The following VWA3B variants were observed in gnomAD, a reference collection of about 807,000 sequenced individuals.
The protein encoded by VWA3B is von Willebrand factor A domain containing 3B, also known as von Willebrand factor A domain-containing protein 3B.
VWA3B carries 138 observed loss-of-function variants against 158.3 expected under a neutral mutation model. That is an observed-to-expected ratio of 0.87 (90% CI 0.76 to 1.00). The LOEUF is 1.00. Among genes scored for constraint, VWA3B ranks in the 50% least tolerant of loss-of-function variants. The pLI is 0.00. For missense variants in VWA3B, 1,555 were observed against 1,565.1 expected (o/e 0.99, Z 0.11); for synonymous variants, 596 against 587.3 (o/e 1.01, Z -0.21).
chr2:98,290,541 A>T lies in VWA3B; in HGVS notation c.3076A>T (p.Lys1026Ter), dbSNP rs768118485. The T allele has an allele frequency of 1.3e-6, 2 of 1,583,482 alleles. No homozygotes were observed. The highest frequency in any genetic ancestry group is 2.0e-5 in the Admixed American group (1 of 49,712). Residue 1026 changes from lysine to a stop codon, truncating the protein, a stop_gained, in exon 23 of 28, where the codon AAA becomes TAA. Transcript: ENST00000477737. LOFTEE classifies it high-confidence loss of function. ...GAAATTGCAAGGAAATCCAACAAAG[A>T]AAACCAAATCAAAAAGACCAGATCC... ...QQKLQGNPTK[K>*]TKSKRPDPLK...
In VWA3B at chr2:98,186,948, C is replaced by T. The variant is rs932473691; in HGVS notation, c.1312-1027C>T. 7.9e-5 allele frequency among the ~76,000 whole-genome samples: 12 copies of T among 152,152 alleles called. No homozygotes were observed. In the East Asian group the frequency reaches 1.9e-3, roughly 25 times the overall value. Reference sequence around the variant, plus strand: ...TCCTGGCCCTCCTCTTCGTGTGTCCCGGCTTCTCTCACTCTCTCTTCCCTC... The same window carrying T: ...TCCTGGCCCTCCTCTTCGTGTGTCCTGGCTTCTCTCACTCTCTCTTCCCTC... On this transcript the variant is annotated intron_variant, in intron 9 of 27. Coordinates refer to ENST00000477737, the MANE Select transcript of VWA3B (RefSeq NM_144992.5).
At chr2:98,132,773 C>G (rs1051622010) in intron 6 of VWA3B, among the ~76,000 whole-genome samples, 1 of 152,190 alleles carries the variant, frequency 6.6e-6, no homozygotes, top group African/African-American at 2.4e-5. Context: ...TTGGGAATGA[C>G]CAGGCTAAGA....
chr2:98,218,136 T>A, intron 14 of VWA3B, 108 bp downstream of exon 14: 2 of 1,247,562 alleles, frequency 1.6e-6, no homozygotes, highest in Non-Finnish European at 2.2e-6. Flanking sequence ...TAGAGATAAC[T>A]AAGTCAAAAA....
Position 98,236,731 on chromosome 2 carries a change from G to A in VWA3B, c.2673+1G>A. ...TGTCGTGTCTAAGGTCTTTGATGAG[G>A]TAAACTGATTGTCTATACGTCCCTA... On this transcript the variant is annotated splice_donor_variant, in intron 19 of 27. Transcript: ENST00000477737. LOFTEE classifies it high-confidence loss of function. 6.2e-7 allele frequency: 1 copy of A among 1,611,046 alleles called. No individual in the cohort carries two copies. Among genetic ancestry groups the A allele is most frequent in the Non-Finnish European group, 8.5e-7 (1 of 1,179,124 alleles).
At chr2:98,124,856 C>T (rs962495411) in intron 5 of VWA3B, among the ~76,000 whole-genome samples, 1 of 152,122 alleles carries the variant, frequency 6.6e-6, no homozygotes, top group Non-Finnish European at 1.5e-5. Context: ...GACTCTTTGG[C>T]GGGGCAGAAT....
intron 7 of VWA3B, among the ~76,000 whole-genome samples, chr2:98,134,611 A>C (rs1443814523): frequency 6.6e-6 from 1 of 152,056 alleles, no homozygotes; most frequent in Non-Finnish European, 1.5e-5. Flanking sequence ...AAAGGAGGGA[A>C]GGAAGCCCCT....
At chr2:98,149,730 C>G (rs1316966022) in intron 7 of VWA3B, among the ~76,000 whole-genome samples, 1 of 152,160 alleles carries the variant, frequency 6.6e-6, no homozygotes, top group Admixed American at 6.5e-5. Flanking sequence ...TGATTTAGTT[C>G]TAGGAAGTCA....
At chr2:98,202,729 T>A (rs1279825269) in intron 12 of VWA3B, among the ~76,000 whole-genome samples, 1 of 152,194 alleles carries the variant, frequency 6.6e-6, no homozygotes, top group Non-Finnish European at 1.5e-5. Flanking sequence ...CCCCGTGTCC[T>A]TTTTTCTAGA....
rs190755286 is a variant in VWA3B at position 98,173,467 on chromosome 2, C to T, written c.1115-7549C>T. The stretch of plus-strand genomic sequence containing the variant: ...GGCACTGAGCTTCGCATTTTCCAGA[C>T]AAAAAGCACACATGGCAAACATTTG... On this transcript the variant is annotated intron_variant, in intron 8 of 27. Transcript: ENST00000477737. Among the ~76,000 whole-genome samples, 387 of 152,274 alleles carry T rather than the reference C, an allele frequency of 2.5e-3. 2 individuals are homozygous for T. Among genetic ancestry groups the T allele is most frequent in the African/African-American group, 8.9e-3 (369 of 41,548 alleles).
At chr2:98,265,927 G>A in intron 21 of VWA3B, among the ~76,000 whole-genome samples, 2 of 120,878 alleles carry the variant, frequency 1.7e-5, no homozygotes, top group East Asian at 2.2e-4. Context: ...TGAGTTCATT[G>A]TAGATTCTGG....
chr2:98,193,147 GAAGT>G, intron 11 of VWA3B, 111 bp downstream of exon 11: 1 of 1,340,094 alleles, frequency 7.5e-7, no homozygotes, highest in Admixed American at 2.4e-5. Flanking sequence ...CAAATTCAGA[GAAGT>G]ACTCCCTTTT....
chr2:98,233,499 A>G (rs1685473159), intron 16 of VWA3B, among the ~76,000 whole-genome samples: 1 of 152,210 alleles, frequency 6.6e-6, no homozygotes, highest in South Asian at 2.1e-4. Flanking sequence ...GGACACTGGC[A>G]GGAGCTCAGC....
At chr2:98,222,398 T>A (rs1684587016) in intron 14 of VWA3B, among the ~76,000 whole-genome samples, 1 of 152,204 alleles carries the variant, frequency 6.6e-6, no homozygotes, top group Non-Finnish European at 1.5e-5. Flanking sequence ...GGAGGATGTT[T>A]ACTTGGATAG....
rs763013077 is a variant in VWA3B at position 98,193,020 on chromosome 2, TC to T, written c.1590del (p.Ile531PhefsTer8). 1 of 1,613,484 alleles carries T rather than the reference TC, an allele frequency of 6.2e-7. No homozygotes were observed. The highest frequency in any genetic ancestry group is 8.5e-7 in the Non-Finnish European group (1 of 1,179,626). On this transcript the variant is annotated frameshift_variant, in exon 11 of 28. Transcript: ENST00000477737. LOFTEE classifies it high-confidence loss of function. The part of the protein sequence containing the change: ...KSKLDLVKDK[I>X]IQFIQEQLKY... ...AAACTGGACTTGGTGAAGGACAAGATCATTCAGTTCATACAGGTTAGATGGA... is the reference window on the plus strand; with the variant it reads ...AAACTGGACTTGGTGAAGGACAAGATATTCAGTTCATACAGGTTAGATGGA...
chr2:98,156,474 T>G, intron 7 of VWA3B, among the ~76,000 whole-genome samples: 1 of 152,188 alleles, frequency 6.6e-6, no homozygotes, highest in East Asian at 1.9e-4. Flanking sequence ...GGACAGAGGC[T>G]GAGCAGATGC....
intron 6 of VWA3B, among the ~76,000 whole-genome samples, chr2:98,129,238 T>A (rs1446591841): frequency 1.3e-5 from 2 of 148,788 alleles, no homozygotes. Flanking sequence ...TGTGTGTGTG[T>A]GTGTGTGTGT....
intron 8 of VWA3B, among the ~76,000 whole-genome samples, chr2:98,178,310 A>C (rs1680186569): frequency 6.6e-6 from 1 of 152,202 alleles, no homozygotes; most frequent in Non-Finnish European, 1.5e-5. Context: ...TTTAAAGTTC[A>C]AAATCCAGAA....
chr2:98,265,346 A>T (rs1443115375), intron 21 of VWA3B, among the ~76,000 whole-genome samples: 1 of 151,476 alleles, frequency 6.6e-6, no homozygotes, highest in East Asian at 1.9e-4. Flanking sequence ...TTCCAATTTC[A>T]TCCATGTCCC....
chr2:98,098,479 T>C (rs1682865113), intron 2 of VWA3B, among the ~76,000 whole-genome samples: 1 of 152,144 alleles, frequency 6.6e-6, no homozygotes, highest in Admixed American at 6.5e-5. Flanking sequence ...TCTTTGTCTC[T>C]TTTTACAGTG....
Sources: gnomAD v4.1 joint callset for allele counts (sites outside exome capture counted in the v4.1 genomes callset) on GRCh38, gnomAD v4.1.1 for gene constraint, MANE v1.5 for transcripts, NCBI Gene and HGNC (gene_info 2026-07-23, HGNC 2026-07-21) for gene names.